Variants in CYTH3 observed in about 807,000 individuals in gnomAD.
CYTH3 encodes cytohesin 3.
CYTH3 carries 23 observed loss-of-function variants against 55.1 expected under a neutral mutation model. The observed-to-expected ratio is 0.42, with a 90% CI of 0.30 to 0.59. CYTH3 has a LOEUF of 0.59. CYTH3 is among the 20% of genes least tolerant of loss of function. The pLI is 0.20. For missense variants in CYTH3, 413 were observed against 524.8 expected, an observed-to-expected ratio of 0.79 and a Z score of 2.08; for synonymous variants, 249 against 194.9, an observed-to-expected ratio of 1.28 and a Z score of -2.31.
intron 1 of CYTH3, among the ~76,000 whole-genome samples, chr7:6,272,012 C>T (rs942176641): frequency 6.6e-6 from 1 of 152,206 alleles, no homozygotes; most frequent in Non-Finnish European, 1.5e-5. Context: ...ACTCGAGGAG[C>T]CTCCAGTGCA....
At position 6,266,386 on chromosome 7, in the gene CYTH3, C is replaced by A. The variant is rs553862039; in HGVS notation, c.34+6088G>T. ...ATGATGAAGAGTCAATAAATTAAGA[C>A]GCAGAAAGTACACAGGACATACAGC... On this transcript the variant is annotated intron_variant, in intron 1 of 12. Coordinates refer to ENST00000350796, the MANE Select transcript of CYTH3 (RefSeq NM_004227.4). Among the ~76,000 whole-genome samples, 3 of 152,130 alleles carry A rather than the reference C, an allele frequency of 2.0e-5. No individual in the cohort carries two copies. The East Asian group carries it at 5.8e-4, about 29-fold the overall frequency.
intron 1 of CYTH3, among the ~76,000 whole-genome samples, chr7:6,194,657 CAT>C (rs775937005): frequency 1.6e-4 from 25 of 151,690 alleles, no homozygotes; most frequent in Non-Finnish European, 3.4e-4. Flanking sequence ...GTACCAATAA[CAT>C]CAAAGAAGCC....
At chr7:6,208,289 C>T (rs1784242530) in intron 1 of CYTH3, among the ~76,000 whole-genome samples, 1 of 152,184 alleles carries the variant, frequency 6.6e-6, no homozygotes, top group African/African-American at 2.4e-5. Context: ...GGTGTTACAA[C>T]CCTACCCAAA....
At chr7:6,237,482 G>A (rs905930207) in intron 1 of CYTH3, among the ~76,000 whole-genome samples, 1 of 152,160 alleles carries the variant, frequency 6.6e-6, no homozygotes, top group African/African-American at 2.4e-5. Flanking sequence ...GGCCGAGGCG[G>A]GCGGATCTCC....
chr7:6,272,551 G>A lies in CYTH3; in HGVS notation c.-44C>T, dbSNP rs750058039. On this transcript the variant is annotated 5_prime_UTR_variant, in exon 1 of 13. Transcript: ENST00000350796. ...GCCGGCGAGCCGGGGGCCGGCAGCAGAGGGGCCGCGGGCTGGGGACGCCGC... is the reference window on the plus strand; with the variant it reads ...GCCGGCGAGCCGGGGGCCGGCAGCAAAGGGGCCGCGGGCTGGGGACGCCGC... 2.3e-6 allele frequency: 3 copies of A among 1,278,390 alleles called. No individual in the cohort carries two copies. Among genetic ancestry groups the A allele is most frequent in the South Asian group, 1.8e-5 (1 of 54,704 alleles). 79.2% of individuals were successfully genotyped at this position (1,278,390 alleles called of 1,614,324 possible). A position where few individuals can be genotyped will look rare whatever the true frequency, so the allele number is the denominator to read the frequency against.
rs1321420017 is a variant in CYTH3, at chr7:6,164,180, GCCCACCTGCTGCCCCC to G, written c.*748_*763del. On this transcript the variant is annotated 3_prime_UTR_variant, in exon 13 of 13. Transcript: ENST00000350796. ...CCGTCCCTCCCCCAGCCCGTCCCGA[GCCCACCTGCTGCCCCC>G]CGGGGCTTGTCTGACAGCCTGACAG... 1.3e-5 allele frequency: 2 copies of G among 152,438 alleles called. No individual in the cohort carries two copies. The highest frequency in any genetic ancestry group is 4.8e-5 in the African/African-American group (2 of 41,402). 9.4% of individuals were successfully genotyped at this position (152,438 alleles called of 1,614,324 possible).
At chr7:6,242,155 C>T (rs1454037782) in intron 1 of CYTH3, among the ~76,000 whole-genome samples, 1 of 152,076 alleles carries the variant, frequency 6.6e-6, no homozygotes, top group Non-Finnish European at 1.5e-5. Flanking sequence ...CGGCTCACTG[C>T]AAGCTCCACC....
At chr7:6,229,387 G>T (rs562133901) in intron 1 of CYTH3, among the ~76,000 whole-genome samples, 1 of 152,230 alleles carries the variant, frequency 6.6e-6, no homozygotes, top group Non-Finnish European at 1.5e-5. Context: ...TGAAGAAAGC[G>T]TGCTTGCTGC....
In CYTH3 at chr7:6,173,641, G is replaced by A. The variant is rs776734365; in HGVS notation, c.449+12C>T. On this transcript the variant is annotated intron_variant, in intron 6 of 12. Transcript: ENST00000350796. ...CCCATCCACTCTACACCCAGCAAAT[G>A]ATCATACTTACCTTAAGGCTTGTAC... The A allele has an allele frequency of 1.3e-6, 2 of 1,586,872 alleles. No individual in the cohort carries two copies. Among genetic ancestry groups the A allele is most frequent in the South Asian group, 1.1e-5 (1 of 90,442 alleles).
intron 1 of CYTH3, among the ~76,000 whole-genome samples, chr7:6,249,543 A>T (rs1779906366): frequency 6.6e-6 from 1 of 152,210 alleles, no homozygotes; most frequent in African/African-American, 2.4e-5. Context: ...CCCAAAATCC[A>T]AACACTAACT....
intron 1 of CYTH3, among the ~76,000 whole-genome samples, chr7:6,217,262 A>G (rs1333992347): frequency 6.6e-6 from 1 of 152,222 alleles, no homozygotes; most frequent in Non-Finnish European, 1.5e-5. Flanking sequence ...TTAAATATTA[A>G]AAGATTGGCA....
intron 1 of CYTH3, among the ~76,000 whole-genome samples, chr7:6,218,051 T>A (rs564890107): frequency 6.6e-6 from 1 of 151,718 alleles, no homozygotes; most frequent in African/African-American, 2.4e-5. Context: ...GGTATGGTGG[T>A]GTGCACCTGT....
chr7:6,171,083 C>A lies in CYTH3; in HGVS notation c.563-105G>T. 6.3e-7 allele frequency: 1 copy of A among 1,587,954 alleles called. No individual in the cohort carries two copies. Among genetic ancestry groups the A allele is most frequent in the Non-Finnish European group, 8.6e-7 (1 of 1,161,188 alleles). On this transcript the variant is annotated intron_variant, in intron 7 of 12. Coordinates refer to ENST00000350796, the MANE Select transcript of CYTH3 (RefSeq NM_004227.4). This position sits in a 1 kb window ranked among gnomAD's most constrained non-coding sequence, Gnocchi z 6.7. ...AAGAGGTGCCCGGCCCACAGGTCGT[C>A]CTCGCTCAGGGAAGGCAGGTCCCCA...
chr7:6,172,888 C>A (rs1389969725), intron 6 of CYTH3: 2 of 1,247,198 alleles, frequency 1.6e-6, no homozygotes, highest in Admixed American at 2.5e-5. Context: ...CACAAAAACG[C>A]TGCCAACATT....
chr7:6,270,378 T>C (rs1780618395), intron 1 of CYTH3, among the ~76,000 whole-genome samples: 1 of 152,236 alleles, frequency 6.6e-6, no homozygotes, highest in South Asian at 2.1e-4. Flanking sequence ...CTGGCTAGCA[T>C]TTTGATGGGC....
chr7:6,271,249 C>T (rs1427812633), intron 1 of CYTH3, among the ~76,000 whole-genome samples: 1 of 152,150 alleles, frequency 6.6e-6, no homozygotes, highest in Non-Finnish European at 1.5e-5. Flanking sequence ...GCCAACTTCC[C>T]ACCATCCTGG....
chr7:6,229,667 A>T (rs1042982365), intron 1 of CYTH3, among the ~76,000 whole-genome samples: 1 of 150,540 alleles, frequency 6.6e-6, no homozygotes, highest in East Asian at 1.9e-4. Flanking sequence ...AAAAAAAAAA[A>T]TTAGCCGGGC....
At chr7:6,218,869 G>A (rs1306545980) in intron 1 of CYTH3, among the ~76,000 whole-genome samples, 1 of 152,048 alleles carries the variant, frequency 6.6e-6, no homozygotes, top group African/African-American at 2.4e-5. Context: ...GCTGGGCGTG[G>A]TGGCGCACAC....
chr7:6,215,943 T>G (rs1326818449), intron 1 of CYTH3, among the ~76,000 whole-genome samples: 1 of 152,188 alleles, frequency 6.6e-6, no homozygotes, highest in Non-Finnish European at 1.5e-5. Context: ...CTATATCTGG[T>G]GAAGTTATCC....
Sources: gnomAD v4.1 joint callset for allele counts (sites outside exome capture counted in the v4.1 genomes callset) on GRCh38, gnomAD v4.1.1 for gene constraint, Gnocchi (gnomAD v3.1) non-coding constraint, MANE v1.5 for transcripts, NCBI Gene and HGNC (gene_info 2026-07-23, HGNC 2026-07-21) for gene names.